VPS13B: variants seen among roughly 807,000 people sequenced by gnomAD.
The protein encoded by VPS13B is vacuolar protein sorting 13 homolog B, also known as intermembrane lipid transfer protein VPS13B.
A neutral mutation model predicts 426.4 loss-of-function variants in VPS13B; 285 were observed. The observed-to-expected ratio is 0.67, with a 90% CI of 0.61 to 0.74. The LOEUF (loss-of-function observed/expected upper bound fraction) is 0.74. Among genes scored for constraint, VPS13B ranks in the 30% least tolerant of loss-of-function variants. The pLI is 0.00. For synonymous variants in VPS13B, 1,676 were observed against 1,676.4 expected (o/e 1.00, Z 0.01); for missense variants, 4,537 against 4,782.6 (o/e 0.95, Z 1.51).
chr8:99,814,908 G>C (rs1563487374), intron 44 of VPS13B, among the ~76,000 whole-genome samples: 2 of 152,030 alleles, frequency 1.3e-5, no homozygotes, highest in African/African-American at 2.4e-5. Context: ...AATTTTATGA[G>C]AGACAGACTA....
chr8:99,140,785 G>C (rs1810377389), intron 12 of VPS13B, among the ~76,000 whole-genome samples: 3 of 151,936 alleles, frequency 2.0e-5, no homozygotes, highest in African/African-American at 7.3e-5. Flanking sequence ...TTGCCCAGGA[G>C]CTTCTTACAG....
chr8:99,035,930 A>C (rs1277861730), intron 2 of VPS13B, among the ~76,000 whole-genome samples: 1 of 151,950 alleles, frequency 6.6e-6, no homozygotes. Context: ...TCATATACTT[A>C]TTGGCCATTT....
intron 35 of VPS13B, among the ~76,000 whole-genome samples, 186 bp from the exon 36 acceptor site, chr8:99,699,339 C>T (rs1157829929): frequency 6.6e-6 from 1 of 151,790 alleles, no homozygotes; most frequent in Non-Finnish European, 1.5e-5. Flanking sequence ...AGGGAGAGTG[C>T]TCCTTCAAGT....
chr8:99,152,833 A>T (rs898176105), intron 14 of VPS13B, among the ~76,000 whole-genome samples: 28 of 152,180 alleles, frequency 1.8e-4, no homozygotes, highest in African/African-American at 3.4e-4. Context: ...TAGTTTTAGT[A>T]AGGTATGTAT....
chr8:99,816,860 A>T (rs941848272), intron 44 of VPS13B, among the ~76,000 whole-genome samples: 1 of 152,146 alleles, frequency 6.6e-6, no homozygotes, highest in Non-Finnish European at 1.5e-5. Flanking sequence ...ATCTGCATCA[A>T]AGATTTTGTA....
At chr8:99,028,646 C>T (rs1336697467) in intron 2 of VPS13B, among the ~76,000 whole-genome samples, 1 of 122,630 alleles carries the variant, frequency 8.2e-6, no homozygotes, top group African/African-American at 3.1e-5. Flanking sequence ...CCCTCCCGGA[C>T]GGGGTGGCTG....
intron 17 of VPS13B, among the ~76,000 whole-genome samples, chr8:99,236,644 G>C (rs1816667670): frequency 6.6e-6 from 1 of 152,170 alleles, no homozygotes; most frequent in African/African-American, 2.4e-5. Context: ...TTTAAATGAT[G>C]TTTCCTGAAG....
chr8:99,107,720 G>C (rs1847120437), intron 5 of VPS13B, among the ~76,000 whole-genome samples: 1 of 152,036 alleles, frequency 6.6e-6, no homozygotes, highest in African/African-American at 2.4e-5. Context: ...TTATGATCAG[G>C]AAAAGAATAA....
rs1183330877 is a variant in VPS13B at position 99,481,807 on chromosome 8, G to A, written c.3870+5G>A. 6.8e-6 allele frequency: 11 copies of A among 1,613,486 alleles called. No homozygotes were observed. In the East Asian group the frequency reaches 2.2e-4, roughly 33 times the overall value. ...GACATTGGGACTACTACTGAGGTAAGTGTTTTTGAAAATCCTGTTACAAAA... is the reference window on the plus strand; with the variant it reads ...GACATTGGGACTACTACTGAGGTAAATGTTTTTGAAAATCCTGTTACAAAA... On this transcript the variant is annotated splice_donor_5th_base_variant and intron_variant, in intron 25 of 61. Coordinates refer to ENST00000357162, the MANE Select transcript of VPS13B (RefSeq NM_152564.5).
intron 2 of VPS13B, among the ~76,000 whole-genome samples, chr8:99,024,157 A>T (rs1434956086): frequency 6.6e-6 from 1 of 152,074 alleles, no homozygotes; most frequent in East Asian, 1.9e-4. Flanking sequence ...GTGATTAGTG[A>T]TGTTGAACAT....
chr8:99,071,199 T>G (rs890563841), intron 3 of VPS13B, among the ~76,000 whole-genome samples: 1 of 152,128 alleles, frequency 6.6e-6, no homozygotes, highest in East Asian at 1.9e-4. Flanking sequence ...TATTGTAGTT[T>G]TCACAGTCTG....
intron 24 of VPS13B, among the ~76,000 whole-genome samples, chr8:99,471,689 T>G (rs1045789648): frequency 6.6e-6 from 1 of 152,124 alleles, no homozygotes; most frequent in African/African-American, 2.4e-5. Flanking sequence ...ACATGAAATA[T>G]TTATGGTCTC....
chr8:99,659,346 TATTA>T (rs1320553542), intron 34 of VPS13B, among the ~76,000 whole-genome samples: 1 of 152,202 alleles, frequency 6.6e-6, no homozygotes, highest in Non-Finnish European at 1.5e-5. Flanking sequence ...ACTCTTTATA[TATTA>T]ATGGTATCCC....
intron 33 of VPS13B, among the ~76,000 whole-genome samples, chr8:99,600,624 G>A (rs984032502): frequency 1.3e-5 from 2 of 152,134 alleles, no homozygotes; most frequent in East Asian, 3.9e-4. Context: ...TTCAGATAAC[G>A]AAAGCATAAA....
intron 19 of VPS13B, among the ~76,000 whole-genome samples, chr8:99,289,754 A>G (rs1372095730): frequency 5.3e-5 from 8 of 152,100 alleles, no homozygotes; most frequent in African/African-American, 1.9e-4. Context: ...AGGAACAGGC[A>G]ATATTAAAGT....
At position 99,225,407 on chromosome 8, in the gene VPS13B, G is replaced by C. The variant is rs558970584; in HGVS notation, c.2515+32350G>C. Among the ~76,000 whole-genome samples, 4 of 152,146 alleles carry C rather than the reference G, an allele frequency of 2.6e-5. No individual in the cohort carries two copies. In the East Asian group the frequency reaches 7.7e-4, roughly 29 times the overall value. ...CCATTCTGCCTCAGCCTCCCGAGTA[G>C]CTGGGACTAGAGGCACCCACCACCA... is the stretch of plus-strand genomic sequence containing the variant. On this transcript the variant is annotated intron_variant, in intron 17 of 61. Transcript: ENST00000357162.
At position 99,192,782 on chromosome 8, in the gene VPS13B, T is replaced by C. The variant is rs1813674953; in HGVS notation, c.2334-94T>C. On this transcript the variant is annotated intron_variant, in intron 16 of 61. Transcript: ENST00000357162. ...TGTTTGCATACATACTTTGGATGTA[T>C]ACCCTTTCTTCCCTTGCAACCTAAG... is the stretch of plus-strand genomic sequence containing the variant. 6 of 1,348,494 alleles carry C rather than the reference T, an allele frequency of 4.4e-6. No homozygotes were observed. The Admixed American group carries it at 1.1e-4, about 24-fold the overall frequency. The allele number at this position is 1,348,494 out of a possible 1,614,324, so 83.5% of individuals were successfully genotyped here. A position where few individuals can be genotyped will look rare whatever the true frequency, so the allele number is the denominator to read the frequency against.
rs527729259 is a variant in VPS13B at position 99,490,535 on chromosome 8, C to A, written c.3870+8733C>A. 2.3e-3 allele frequency among the ~76,000 whole-genome samples: 347 copies of A among 152,178 alleles called. 3 individuals carry two copies. The highest frequency in any genetic ancestry group is 8.1e-3 in the African/African-American group (337 of 41,516). ...GGCTGTGTATCCATCTGGTCCTGGA[C>A]TTTTTTTGGTTGGTAGGCTATTAAT... On this transcript the variant is annotated intron_variant, in intron 25 of 61. Coordinates refer to ENST00000357162, the MANE Select transcript of VPS13B (RefSeq NM_152564.5).
intron 39 of VPS13B, among the ~76,000 whole-genome samples, chr8:99,739,598 C>T (rs1055146206): frequency 2.6e-5 from 4 of 152,236 alleles, no homozygotes; most frequent in African/African-American, 4.8e-5. Flanking sequence ...ACACCTCACA[C>T]GGCCAGGTAC....
Sources: allele counts gnomAD v4.1 joint callset (sites outside exome capture counted in the v4.1 genomes callset), GRCh38; gene constraint gnomAD v4.1.1; transcripts MANE v1.5; gene names NCBI Gene and HGNC (gene_info 2026-07-23, HGNC 2026-07-21).